The following LDB2 variants were observed in gnomAD, a reference collection of about 807,000 sequenced individuals.
LDB2 encodes the protein LIM domain binding 2, also known as LIM domain-binding protein 2.
In LDB2, 12 loss-of-function variants were observed where a neutral mutation model predicts 44.3. The observed-to-expected ratio is 0.27, with a 90% CI of 0.17 to 0.44. The LOEUF (loss-of-function observed/expected upper bound fraction) is 0.44. Ranked by LOEUF, LDB2 falls within the 20% of genes least tolerant of loss-of-function variation. The pLI, the probability that LDB2 is intolerant of heterozygous loss-of-function variation, is 1.00. For synonymous variants in LDB2, 164 were observed against 174.8 expected (o/e 0.94, Z 0.49); for missense variants, 344 against 473.5 (o/e 0.73, Z 2.54).
chr4:16,677,754 G>T (rs750745254), intron 2 of LDB2, among the ~76,000 whole-genome samples: 19 of 152,350 alleles, frequency 1.2e-4, no homozygotes, highest in Admixed American at 3.3e-4. Context: ...CAGATGGGCT[G>T]CCAGGAAAAT....
rs1721335115 is a variant in LDB2, at chr4:16,885,267, G to A, written c.132+13087C>T. Among the ~76,000 whole-genome samples the A allele has an allele frequency of 4.0e-5, 6 of 151,846 alleles. No homozygotes were observed. In the South Asian group the frequency reaches 6.3e-4, roughly 16 times the overall value. On this transcript the variant is annotated intron_variant, in intron 1 of 7. Coordinates refer to ENST00000304523, the MANE Select transcript of LDB2 (RefSeq NM_001290.5). ...GTGAGAAATTCGAGTCTTGGAGGTC[G>A]AGGCTGCAGTGAGCCTGTGATCACA...
chr4:16,868,851 C>T (rs1274826286), intron 1 of LDB2, among the ~76,000 whole-genome samples: 1 of 151,878 alleles, frequency 6.6e-6, no homozygotes, highest in Non-Finnish European at 1.5e-5. Context: ...TTGGTGATAA[C>T]GATGATGATG....
At chr4:16,818,091 A>G (rs910959917) in intron 1 of LDB2, among the ~76,000 whole-genome samples, 1 of 152,136 alleles carries the variant, frequency 6.6e-6, no homozygotes, top group Non-Finnish European at 1.5e-5. Context: ...GGGCTGACCT[A>G]GACAGTCCTT....
intron 7 of LDB2, chr4:16,503,192 A>T: frequency 6.6e-7 from 1 of 1,511,992 alleles, no homozygotes; most frequent in Non-Finnish European, 8.9e-7. Context: ...CAACTTGCCG[A>T]CATTGGGGAC....
chr4:16,800,820 G>A (rs1777661395), intron 1 of LDB2, among the ~76,000 whole-genome samples: 1 of 152,204 alleles, frequency 6.6e-6, no homozygotes. Context: ...GACTACAGGC[G>A]CCCGCCACCA....
At chr4:16,682,904 T>G (rs1748313678) in intron 2 of LDB2, among the ~76,000 whole-genome samples, 1 of 152,246 alleles carries the variant, frequency 6.6e-6, no homozygotes, top group Non-Finnish European at 1.5e-5. Flanking sequence ...GTAATACCTC[T>G]CAAGAAACTC....
chr4:16,821,611 A>C lies in LDB2; in HGVS notation c.133-62351T>G, dbSNP rs530560069. Among the ~76,000 whole-genome samples, 126 of 150,788 alleles carry C rather than the reference A, an allele frequency of 8.4e-4. 1 individual carries two copies. Among genetic ancestry groups the C allele is most frequent in the African/African-American group, 2.5e-3 (104 of 41,186 alleles). ...TCACCGTGTTAGCCAGGATGGTCTC[A>C]ATCTCCTAATCTCGTGATCTGCCCA... On this transcript the variant is annotated intron_variant, in intron 1 of 7. Coordinates refer to ENST00000304523, the MANE Select transcript of LDB2 (RefSeq NM_001290.5).
intron 2 of LDB2, among the ~76,000 whole-genome samples, chr4:16,713,859 T>C (rs911811726): frequency 6.6e-6 from 1 of 152,188 alleles, no homozygotes; most frequent in African/African-American, 2.4e-5. Flanking sequence ...TTTCTAGCAA[T>C]AGACTCTGGC....
chr4:16,826,837 G>T (rs2110015068), intron 1 of LDB2, among the ~76,000 whole-genome samples: 1 of 152,138 alleles, frequency 6.6e-6, no homozygotes, highest in South Asian at 2.1e-4. Context: ...AGGAGAAAAA[G>T]AATTGAAAAG....
chr4:16,729,225 A>T (rs1022138539), intron 2 of LDB2, among the ~76,000 whole-genome samples: 3 of 152,090 alleles, frequency 2.0e-5, no homozygotes, highest in African/African-American at 7.2e-5. Flanking sequence ...AAAAACACAA[A>T]CCCTCCAGCC....
chr4:16,532,064 G>A (rs528756196), intron 5 of LDB2, among the ~76,000 whole-genome samples: 4 of 149,780 alleles, frequency 2.7e-5, no homozygotes, highest in Admixed American at 6.7e-5. Flanking sequence ...CAGAGATTAT[G>A]CATAGCTAGG....
Position 16,735,529 on chromosome 4 carries a change from TAG to T in LDB2, c.235+23627_235+23628del, listed in dbSNP as rs754422621. Among the ~76,000 whole-genome samples, 27 of 151,510 alleles carry T rather than the reference TAG, an allele frequency of 1.8e-4. No homozygotes were observed. The East Asian group carries it at 4.1e-3, about 23-fold the overall frequency. On this transcript the variant is annotated intron_variant, in intron 2 of 7. Transcript: ENST00000304523. ...GATTTAGTGACTGGCATCCAATGAA[TAG>T]AGTCAATGAATATTCATTTCAATAA...
chr4:16,701,475 T>A (rs1282475244), intron 2 of LDB2, among the ~76,000 whole-genome samples: 4 of 152,208 alleles, frequency 2.6e-5, no homozygotes, highest in African/African-American at 9.6e-5. Flanking sequence ...ATGGTAGCCA[T>A]CCTAGAGTGA....
chr4:16,834,406 T>C (rs1161149568), intron 1 of LDB2, among the ~76,000 whole-genome samples: 1 of 152,290 alleles, frequency 6.6e-6, no homozygotes, highest in East Asian at 1.9e-4. Context: ...TGTGGCGTGA[T>C]TGAGTGAAAG....
chr4:16,668,178 T>C (rs1743819666), intron 2 of LDB2, among the ~76,000 whole-genome samples: 1 of 152,134 alleles, frequency 6.6e-6, no homozygotes, highest in Non-Finnish European at 1.5e-5. Flanking sequence ...ATACATGTAC[T>C]GGGTCACTTG....
Position 16,814,404 on chromosome 4 carries a change from A to G in LDB2, c.133-55144T>C, listed in dbSNP as rs552058584. On this transcript the variant is annotated intron_variant, in intron 1 of 7. Coordinates refer to ENST00000304523, the MANE Select transcript of LDB2 (RefSeq NM_001290.5). Reference sequence around the variant, plus strand: ...GAATAGCAGGACACAAGTTCAGAAGAAAAAAATGGTTTCCATCTAGAGACT... The same window carrying G: ...GAATAGCAGGACACAAGTTCAGAAGGAAAAAATGGTTTCCATCTAGAGACT... Among the ~76,000 whole-genome samples, 130 of 152,264 alleles carry G rather than the reference A, an allele frequency of 8.5e-4. 1 individual carries two copies. The highest frequency in any genetic ancestry group is 6.8e-3 in the Middle Eastern group (2 of 294).
chr4:16,582,774 C>T lies in LDB2; in HGVS notation c.615+3148G>A, dbSNP rs1371296463. Among the ~76,000 whole-genome samples, 2 of 152,194 alleles carry T rather than the reference C, an allele frequency of 1.3e-5. No homozygotes were observed. The highest frequency in any genetic ancestry group is 2.9e-5 in the Non-Finnish European group (2 of 68,038). ...GTGAGACCGCACTGTGACAGGGCGC[C>T]ATCTCTGCAGGCTCAGCGGCTTCCA... On this transcript the variant is annotated intron_variant, in intron 5 of 7. Transcript: ENST00000304523. This position sits in a 1 kb window ranked among gnomAD's most constrained non-coding sequence, Gnocchi z 4.8.
At chr4:16,862,360 G>A (rs113665736) in intron 1 of LDB2, among the ~76,000 whole-genome samples, 1,670 of 151,982 alleles carry the variant, frequency 0.011, 39 homozygotes, top group African/African-American at 0.037. Flanking sequence ...CTGGCCGGGC[G>A]TGCTGGCTTA....
intron 5 of LDB2, among the ~76,000 whole-genome samples, chr4:16,565,844 CAATT>C (rs1157671987): frequency 1.3e-5 from 2 of 151,834 alleles, no homozygotes; most frequent in Non-Finnish European, 2.9e-5. Context: ...CAAACCAAAT[CAATT>C]AAACTACAAA....
Sources: allele counts gnomAD v4.1 joint callset (sites outside exome capture counted in the v4.1 genomes callset), GRCh38; gene constraint gnomAD v4.1.1; non-coding constraint Gnocchi (gnomAD v3.1); transcripts MANE v1.5; gene names NCBI Gene and HGNC (gene_info 2026-07-23, HGNC 2026-07-21).